Variants in NCMAP observed in about 807,000 individuals in gnomAD.
NCMAP encodes the protein noncompact myelin-associated protein.
A neutral mutation model predicts 7.8 loss-of-function variants in NCMAP; 8 were observed. The observed-to-expected ratio is 1.02, with a 90% confidence interval of 0.60 to 1.84. The LOEUF (loss-of-function observed/expected upper bound fraction) is 1.84, where lower values mean the gene tolerates loss of function less well. Among genes scored for constraint, NCMAP ranks in the 40% most tolerant of loss-of-function variants. NCMAP has a pLI of 0.00. For missense variants in NCMAP, 112 were observed against 131.4 expected (o/e 0.85, Z 0.72); for synonymous variants, 41 against 52.9 (o/e 0.78, Z 0.98).
intron 1 of NCMAP, among the ~76,000 whole-genome samples, chr1:24,559,771 G>A (rs1430301490): frequency 1.3e-5 from 2 of 152,140 alleles, no homozygotes; most frequent in African/African-American, 4.8e-5. Flanking sequence ...AGATGAGCAG[G>A]GCGTTAAGCC....
At chr1:24,564,220 C>T (rs143083297) in intron 1 of NCMAP, among the ~76,000 whole-genome samples, 185 of 152,050 alleles carry the variant, frequency 1.2e-3, no homozygotes, top group African/African-American at 3.2e-3. Flanking sequence ...AAAAGAGAAG[C>T]TGAGAGAGGC....
intron 2 of NCMAP, among the ~76,000 whole-genome samples, chr1:24,600,503 T>C (rs1192884618): frequency 6.6e-6 from 1 of 152,232 alleles, no homozygotes; most frequent in African/African-American, 2.4e-5. Context: ...AATGTAGATA[T>C]GCAGACGATC....
chr1:24,586,759 CAAAA>C (rs71577722), intron 1 of NCMAP, among the ~76,000 whole-genome samples: 3 of 107,416 alleles, frequency 2.8e-5, no homozygotes, highest in African/African-American at 3.5e-5. Flanking sequence ...GACTCCATCT[CAAAA>C]AAAAAAAAAA....
At chr1:24,603,008 C>A (rs1652562684) in intron 3 of NCMAP, among the ~76,000 whole-genome samples, 2 of 151,768 alleles carry the variant, frequency 1.3e-5, no homozygotes, top group Admixed American at 1.3e-4. Flanking sequence ...CCACTGCACT[C>A]CAGCCTGGAT....
At chr1:24,603,580 G>A (rs1463089405) in intron 3 of NCMAP, among the ~76,000 whole-genome samples, 2 of 152,098 alleles carry the variant, frequency 1.3e-5, no homozygotes, top group Non-Finnish European at 2.9e-5. Flanking sequence ...GTAGTCTTTG[G>A]TTTGTCAAAA....
Position 24,585,147 on chromosome 1 carries a change from CT to C in NCMAP, c.-7-10274del, listed in dbSNP as rs560883301. 1.9e-3 allele frequency among the ~76,000 whole-genome samples: 288 copies of C among 152,234 alleles called. 1 individual carries two copies. Among genetic ancestry groups the C allele is most frequent in the African/African-American group, 6.6e-3 (275 of 41,532 alleles). On this transcript the variant is annotated intron_variant, in intron 1 of 3. Coordinates refer to ENST00000374392, the MANE Select transcript of NCMAP (RefSeq NM_001010980.5). ...GCACACGGCAGAATTCCTACCCCAA[CT>C]TTGGGAGCTGTGATACACAGAGCCA...
chr1:24,587,881 T>C (rs1046773535), intron 1 of NCMAP, among the ~76,000 whole-genome samples: 26 of 152,216 alleles, frequency 1.7e-4, no homozygotes, highest in Admixed American at 1.3e-3. Flanking sequence ...TGTGGAGAGA[T>C]AATTTGCACC....
chr1:24,578,550 T>C (rs1651655832), intron 1 of NCMAP, among the ~76,000 whole-genome samples: 2 of 141,708 alleles, frequency 1.4e-5, no homozygotes, highest in Admixed American at 7.1e-5. Context: ...AGTTTTCTTT[T>C]TCTTTCTTTC....
chr1:24,561,247 T>C (rs1651041596), intron 1 of NCMAP, among the ~76,000 whole-genome samples: 2 of 149,970 alleles, frequency 1.3e-5, no homozygotes, highest in African/African-American at 4.9e-5. Flanking sequence ...CTTGGAAGGC[T>C]GAGGCAGGAG....
rs115339243 is a variant in NCMAP at position 24,570,437 on chromosome 1, G to A, written c.-8+14268G>A. Among the ~76,000 whole-genome samples, 1,037 of 150,918 alleles carry A rather than the reference G, an allele frequency of 6.9e-3. 14 individuals are homozygous for A. The highest frequency in any genetic ancestry group is 0.032 in the South Asian group (155 of 4,822). ...TTGAACTGGGGAAGTCAAGGCTGGA[G>A]TGAGCCGTGATTGTGCCACTGCACT... On this transcript the variant is annotated intron_variant, in intron 1 of 3. Transcript: ENST00000374392.
chr1:24,583,694 T>G (rs1651799909), intron 1 of NCMAP, among the ~76,000 whole-genome samples: 1 of 129,814 alleles, frequency 7.7e-6, no homozygotes, highest in African/African-American at 3.0e-5. Flanking sequence ...CCAGACTGGG[T>G]GACAGAGCAA....
chr1:24,578,043 A>T (rs1651638423), intron 1 of NCMAP, among the ~76,000 whole-genome samples: 1 of 151,978 alleles, frequency 6.6e-6, no homozygotes. Context: ...CGGGTGGATC[A>T]CTTGAGGCCA....
chr1:24,557,839 C>A lies in NCMAP; in HGVS notation c.-8+1670C>A, dbSNP rs114838654. Among the ~76,000 whole-genome samples, 1,484 of 152,238 alleles carry A rather than the reference C, an allele frequency of 9.7e-3. 12 individuals are homozygous for A. The highest frequency in any genetic ancestry group is 0.024 in the Middle Eastern group (7 of 294). ...CCAAGCCAGCCAGCCGCGGCGCGTGCGGTGAGCTGGGCATATAGTGAGCTG... is the reference window on the plus strand; with the variant it reads ...CCAAGCCAGCCAGCCGCGGCGCGTGAGGTGAGCTGGGCATATAGTGAGCTG... On this transcript the variant is annotated intron_variant, in intron 1 of 3. Transcript: ENST00000374392.
rs1651576129 is a variant in NCMAP, at chr1:24,576,829, T to G, written c.-7-18595T>G. ...GCCCCATAGACCAAGACCTTGGGACTCAAAGAAAGGATGTTACACAGGACA... is the reference window on the plus strand; with the variant it reads ...GCCCCATAGACCAAGACCTTGGGACGCAAAGAAAGGATGTTACACAGGACA... On this transcript the variant is annotated intron_variant, in intron 1 of 3. Coordinates refer to ENST00000374392, the MANE Select transcript of NCMAP (RefSeq NM_001010980.5). This position sits in a 1 kb window ranked among gnomAD's most constrained non-coding sequence, Gnocchi z 4.0. Among the ~76,000 whole-genome samples the G allele has an allele frequency of 1.3e-5, 2 of 152,088 alleles. No homozygotes were observed. Among genetic ancestry groups the G allele is most frequent in the Non-Finnish European group, 2.9e-5 (2 of 68,010 alleles).
intron 3 of NCMAP, among the ~76,000 whole-genome samples, chr1:24,603,595 G>T (rs1239438908): frequency 1.3e-5 from 2 of 152,168 alleles, no homozygotes; most frequent in Non-Finnish European, 2.9e-5. Context: ...TCAAAATCAA[G>T]CAAGTTATTT....
At chr1:24,556,484 G>T (rs1650900024) in intron 1 of NCMAP, among the ~76,000 whole-genome samples, 1 of 152,204 alleles carries the variant, frequency 6.6e-6, no homozygotes, top group Non-Finnish European at 1.5e-5. Flanking sequence ...GGAAGAAAAG[G>T]GAGTCGACCT....
chr1:24,597,297 G>T (rs1443013582), intron 2 of NCMAP, among the ~76,000 whole-genome samples: 1 of 151,784 alleles, frequency 6.6e-6, no homozygotes, highest in Non-Finnish European at 1.5e-5. Context: ...CCTGAGGTTG[G>T]GAGTTTGAGA....
At chr1:24,577,409 T>G (rs983143910) in intron 1 of NCMAP, among the ~76,000 whole-genome samples, 52 of 143,396 alleles carry the variant, frequency 3.6e-4, no homozygotes, top group Non-Finnish European at 5.5e-4. Context: ...TTGTTTTTTT[T>G]TTTTTTTTTT....
At chr1:24,592,811 C>G (rs796964660) in intron 1 of NCMAP, among the ~76,000 whole-genome samples, 3 of 152,148 alleles carry the variant, frequency 2.0e-5, no homozygotes, top group African/African-American at 7.2e-5. Context: ...CCCAGCTACT[C>G]GTGAGGCTGA....
Sources: gnomAD v4.1 joint callset for allele counts (sites outside exome capture counted in the v4.1 genomes callset) on GRCh38, gnomAD v4.1.1 for gene constraint, Gnocchi (gnomAD v3.1) non-coding constraint, MANE v1.5 for transcripts, NCBI Gene and HGNC (gene_info 2026-07-23, HGNC 2026-07-21) for gene names.